CMC1: variants seen among roughly 807,000 people sequenced by gnomAD.
The protein encoded by CMC1 is C-X9-C motif containing 1.
Under a neutral mutation model 14.1 loss-of-function variants are expected in CMC1, and 14 were observed. That is an observed-to-expected ratio of 0.99 (90% CI 0.66 to 1.55). The LOEUF is 1.55. Among genes scored for constraint, CMC1 ranks in the 40% most tolerant of loss-of-function variants. The pLI is 0.00. For missense variants in CMC1, 127 were observed against 123.8 expected, an observed-to-expected ratio of 1.03 and a Z score of -0.12; for synonymous variants, 50 against 38.4, an observed-to-expected ratio of 1.30 and a Z score of -1.12.
intron 1 of CMC1, among the ~76,000 whole-genome samples, chr3:28,256,300 A>G (rs1699404856): frequency 6.6e-6 from 1 of 152,086 alleles, no homozygotes; most frequent in Non-Finnish European, 1.5e-5. Context: ...TGCACAGGGC[A>G]GGCTGTCAGG....
chr3:28,292,984 A>AT (rs376891022), intron 2 of CMC1: 4 of 152,194 alleles, frequency 2.6e-5, no homozygotes, highest in South Asian at 4.2e-4. Flanking sequence ...ACCTTTAAAC[A>AT]TTTTTTTGCT....
At chr3:28,314,304 G>T (rs1702782574) in intron 2 of CMC1, among the ~76,000 whole-genome samples, 1 of 152,338 alleles carries the variant, frequency 6.6e-6, no homozygotes, top group South Asian at 2.1e-4. Context: ...CTACCCTTCA[G>T]CGTCTCCACT....
intron 1 of CMC1, among the ~76,000 whole-genome samples, chr3:28,249,974 A>T (rs1021599247): frequency 2.6e-5 from 4 of 151,908 alleles, no homozygotes; most frequent in Non-Finnish European, 5.9e-5. Context: ...TTGAGGGAGG[A>T]GGAGGAGAGA....
intron 1 of CMC1, among the ~76,000 whole-genome samples, chr3:28,256,050 C>T (rs1218393548): frequency 6.6e-6 from 1 of 152,108 alleles, no homozygotes; most frequent in East Asian, 1.9e-4. Context: ...GTGTCTTACA[C>T]ATGCACACAT....
intron 1 of CMC1, among the ~76,000 whole-genome samples, chr3:28,254,824 G>C (rs1045474353): frequency 6.6e-6 from 1 of 152,122 alleles, no homozygotes; most frequent in Admixed American, 6.6e-5. Flanking sequence ...TTGTAATTTT[G>C]TATAATCCAA....
At position 28,244,890 on chromosome 3, in the gene CMC1, T is replaced by G. The variant is rs551289745; in HGVS notation, c.19+3078T>G. ...AGTGGAGTCAGCAAGTAGGAAGGTT[T>G]TTTTTTTTTTCCCTAAATTGTTTTG... On this transcript the variant is annotated intron_variant, in intron 1 of 3. Coordinates refer to ENST00000466830, the MANE Select transcript of CMC1 (RefSeq NM_182523.2). 3.4e-3 allele frequency among the ~76,000 whole-genome samples: 520 copies of G among 151,260 alleles called. 3 individuals are homozygous for G. Among genetic ancestry groups the G allele is most frequent in the African/African-American group, 0.012 (496 of 41,330 alleles).
chr3:28,305,212 T>C (rs1227416737), intron 2 of CMC1, among the ~76,000 whole-genome samples: 2 of 152,170 alleles, frequency 1.3e-5, no homozygotes, highest in Non-Finnish European at 2.9e-5. Flanking sequence ...TTAATCCACT[T>C]AGGATAATGG....
intron 2 of CMC1, among the ~76,000 whole-genome samples, chr3:28,274,101 TA>T (rs1209082254): frequency 1.1e-3 from 171 of 152,228 alleles, no homozygotes; most frequent in Middle Eastern, 6.8e-3. Flanking sequence ...TTAAGGTTAA[TA>T]TTGTTATATG....
At chr3:28,286,026 A>G (rs1701160610) in intron 2 of CMC1, among the ~76,000 whole-genome samples, 1 of 151,996 alleles carries the variant, frequency 6.6e-6, no homozygotes. Flanking sequence ...CGGCCTCCCA[A>G]AGTGCTGGGA....
At position 28,278,214 on chromosome 3, in the gene CMC1, GA is replaced by G. The variant is rs1177640416; in HGVS notation, c.109+14836del. 3.3e-5 allele frequency among the ~76,000 whole-genome samples: 5 copies of G among 152,272 alleles called. No individual in the cohort carries two copies. In the East Asian group the frequency reaches 7.7e-4, roughly 23 times the overall value. Reference sequence around the variant, plus strand: ...AAAGAGATGGCTCCTTATTTGTCCTGAACAAGTAAAAGAGGAGGAGTTATAG... The same window carrying G: ...AAAGAGATGGCTCCTTATTTGTCCTGACAAGTAAAAGAGGAGGAGTTATAG... On this transcript the variant is annotated intron_variant, in intron 2 of 3. Coordinates refer to ENST00000466830, the MANE Select transcript of CMC1 (RefSeq NM_182523.2).
intron 2 of CMC1, among the ~76,000 whole-genome samples, chr3:28,302,530 A>C (rs1055516274): frequency 2.6e-5 from 4 of 152,172 alleles, no homozygotes; most frequent in Non-Finnish European, 5.9e-5. Flanking sequence ...GGCTGTGTGA[A>C]TGTCTCTCTT....
chr3:28,254,977 C>T (rs1474817226), intron 1 of CMC1, among the ~76,000 whole-genome samples: 1 of 152,198 alleles, frequency 6.6e-6, no homozygotes, highest in Non-Finnish European at 1.5e-5. Context: ...GCTTTCCACT[C>T]TACAAGATGT....
intron 2 of CMC1, among the ~76,000 whole-genome samples, chr3:28,296,838 A>G (rs920684019): frequency 1.3e-5 from 2 of 152,002 alleles, no homozygotes; most frequent in Non-Finnish European, 2.9e-5. Context: ...AGTAATAGGG[A>G]AAAAAAGTAA....
intron 2 of CMC1, among the ~76,000 whole-genome samples, chr3:28,300,181 G>A (rs1270340947): frequency 1.3e-5 from 2 of 152,012 alleles, no homozygotes; most frequent in Non-Finnish European, 2.9e-5. Context: ...TTGGCAGTTG[G>A]TGTGACAGTG....
At chr3:28,258,696 T>C (rs1282880372) in intron 1 of CMC1, among the ~76,000 whole-genome samples, 1 of 147,126 alleles carries the variant, frequency 6.8e-6, no homozygotes, top group Non-Finnish European at 1.5e-5. Context: ...CTCAGCTCAC[T>C]GCAAGCTCTG....
At chr3:28,272,303 T>C (rs1181001057) in intron 2 of CMC1, among the ~76,000 whole-genome samples, 1 of 152,210 alleles carries the variant, frequency 6.6e-6, no homozygotes, top group East Asian at 1.9e-4. Flanking sequence ...ATGTTTGTTT[T>C]CAAGGGGAAT....
At chr3:28,250,184 A>G (rs1699063669) in intron 1 of CMC1, among the ~76,000 whole-genome samples, 1 of 152,218 alleles carries the variant, frequency 6.6e-6, no homozygotes, top group South Asian at 2.1e-4. Flanking sequence ...CCACTGATCT[A>G]GCAGGAGAAG....
chr3:28,319,558 GA>G lies in CMC1; in HGVS notation c.253del (p.Arg85GlyfsTer28). 1 of 1,607,908 alleles carries G rather than the reference GA, an allele frequency of 6.2e-7. No homozygotes were observed. The highest frequency in any genetic ancestry group is 8.5e-7 in the Non-Finnish European group (1 of 1,175,844). On this transcript the variant is annotated frameshift_variant, in exon 4 of 4. Transcript: ENST00000466830. LOFTEE classifies it high-confidence loss of function. ...YEECKMEYLK[E>X]REEFRKTGIP... ...AGAATGCAAAATGGAATACCTGAAG[GA>G]AAGGGAAGAATTCAGAAAAACTGGA...
chr3:28,283,588 T>G (rs1701024432), intron 2 of CMC1, among the ~76,000 whole-genome samples: 1 of 150,738 alleles, frequency 6.6e-6, no homozygotes, highest in Non-Finnish European at 1.5e-5. Flanking sequence ...AAGAAACCAA[T>G]TCTCTGCAGT....
Sources: allele counts gnomAD v4.1 joint callset (sites outside exome capture counted in the v4.1 genomes callset), GRCh38; gene constraint gnomAD v4.1.1; transcripts MANE v1.5; gene names NCBI Gene and HGNC (gene_info 2026-07-23, HGNC 2026-07-21).